TSPAN9: variants seen among roughly 807,000 people sequenced by gnomAD.
The protein encoded by TSPAN9 is tetraspanin 9, also known as tetraspanin-9.
Under a neutral mutation model 31.0 loss-of-function variants are expected in TSPAN9, and 16 were observed. The observed-to-expected ratio is 0.52, with a 90% CI of 0.35 to 0.78. The LOEUF (loss-of-function observed/expected upper bound fraction) is 0.78. Ranked by LOEUF, TSPAN9 falls within the 30% of genes least tolerant of loss-of-function variation. The pLI, the probability that TSPAN9 is intolerant of heterozygous loss-of-function variation, is 0.01. For missense variants in TSPAN9, 272 were observed against 312.5 expected (o/e 0.87, Z 0.98); for synonymous variants, 145 against 121.6 (o/e 1.19, Z -1.27).
At chr12:3,219,432 C>A (rs1460924788) in intron 3 of TSPAN9, among the ~76,000 whole-genome samples, 1 of 152,180 alleles carries the variant, frequency 6.6e-6, no homozygotes. Flanking sequence ...GCAGTACCGA[C>A]CCCCATCTCC....
At chr12:3,088,462 G>T (rs890546692) in intron 2 of TSPAN9, among the ~76,000 whole-genome samples, 1 of 152,206 alleles carries the variant, frequency 6.6e-6, no homozygotes, top group Non-Finnish European at 1.5e-5. Flanking sequence ...TGGGGGGGAA[G>T]CTCCAGGCCT....
At chr12:3,202,741 C>G (rs2098372670) in intron 3 of TSPAN9, among the ~76,000 whole-genome samples, 1 of 152,142 alleles carries the variant, frequency 6.6e-6, no homozygotes, top group Admixed American at 6.5e-5. Flanking sequence ...TTTGAAGTGA[C>G]TTGAGTTGGA....
chr12:3,252,557 T>C (rs1055048355), intron 3 of TSPAN9, among the ~76,000 whole-genome samples: 4 of 152,172 alleles, frequency 2.6e-5, no homozygotes, highest in Non-Finnish European at 5.9e-5. Context: ...ACTGTACACA[T>C]GCGGGGAGCC....
rs552159516 is a variant in TSPAN9 at position 3,094,384 on chromosome 12, C to T, written c.-18+10665C>T. ...GAAACTGCAGCAGAGCAGAAGACTC[C>T]AGGGACCTCCCCATGCCTCTCCAAG... On this transcript the variant is annotated intron_variant, in intron 2 of 8. Coordinates refer to ENST00000011898, the MANE Select transcript of TSPAN9 (RefSeq NM_006675.5). Among the ~76,000 whole-genome samples the T allele has an allele frequency of 1.7e-3, 265 of 152,246 alleles. 3 individuals are homozygous for T. Among genetic ancestry groups the T allele is most frequent in the Non-Finnish European group, 3.4e-3 (231 of 68,030 alleles).
chr12:3,200,442 A>C (rs1161503972), intron 2 of TSPAN9: 1 of 152,270 alleles, frequency 6.6e-6, no homozygotes, highest in East Asian at 1.9e-4. Flanking sequence ...CAGCTCCGCA[A>C]AGTCGCGGAA....
At chr12:3,103,974 A>G (rs1459720718) in intron 2 of TSPAN9, among the ~76,000 whole-genome samples, 1 of 152,096 alleles carries the variant, frequency 6.6e-6, no homozygotes, top group Non-Finnish European at 1.5e-5. Context: ...GGACGGGAGG[A>G]TGAGGCGGGG....
At chr12:3,233,435 C>G (rs1346398573) in intron 3 of TSPAN9, among the ~76,000 whole-genome samples, 1 of 152,196 alleles carries the variant, frequency 6.6e-6, no homozygotes, top group East Asian at 1.9e-4. Flanking sequence ...GCATTTTTAT[C>G]AGCCTTTTGC....
At chr12:3,104,655 C>T (rs942813158) in intron 2 of TSPAN9, among the ~76,000 whole-genome samples, 4 of 152,200 alleles carry the variant, frequency 2.6e-5, no homozygotes, top group African/African-American at 9.7e-5. Flanking sequence ...CGCCTGGCCT[C>T]TAATCACTGT....
intron 3 of TSPAN9, among the ~76,000 whole-genome samples, chr12:3,243,958 G>T (rs2098397980): frequency 6.6e-6 from 1 of 152,208 alleles, no homozygotes; most frequent in Non-Finnish European, 1.5e-5. Flanking sequence ...GGGAACCAGG[G>T]CTTACCCGCA....
chr12:3,212,416 A>G (rs1396432372), intron 3 of TSPAN9, among the ~76,000 whole-genome samples: 2 of 152,150 alleles, frequency 1.3e-5, no homozygotes, highest in South Asian at 2.1e-4. Flanking sequence ...TATGTTATAT[A>G]GAGACTTCTT....
chr12:3,218,859 C>T (rs1475485184), intron 3 of TSPAN9, among the ~76,000 whole-genome samples: 1 of 152,198 alleles, frequency 6.6e-6, no homozygotes, highest in Admixed American at 6.5e-5. Context: ...CCTGATATTT[C>T]TCTTTTTCCT....
chr12:3,252,934 C>T (rs138692198), intron 3 of TSPAN9, among the ~76,000 whole-genome samples: 9 of 152,248 alleles, frequency 5.9e-5, no homozygotes, highest in Admixed American at 2.6e-4. Context: ...AAGGTTTTCA[C>T]GATTGCACAG....
chr12:3,135,723 C>T (rs1056860889), intron 2 of TSPAN9, among the ~76,000 whole-genome samples: 1 of 152,172 alleles, frequency 6.6e-6, no homozygotes, highest in Non-Finnish European at 1.5e-5. Flanking sequence ...GGTGGATCAG[C>T]CATCGCCCCT....
rs2098397630 is a variant in TSPAN9, at chr12:3,243,369, C to T, written c.64-35052C>T. On this transcript the variant is annotated intron_variant, in intron 3 of 8. Transcript: ENST00000011898. Reference sequence around the variant, plus strand: ...CTGCCGCAGCCCCAGGAGGCAGGGGCTCCTGTTTTAACTTATGTTTTGCAC... The same window carrying T: ...CTGCCGCAGCCCCAGGAGGCAGGGGTTCCTGTTTTAACTTATGTTTTGCAC... 2.0e-5 allele frequency among the ~76,000 whole-genome samples: 3 copies of T among 152,144 alleles called. No homozygotes were observed. In the South Asian group the frequency reaches 6.2e-4, roughly 31 times the overall value.
intron 2 of TSPAN9, among the ~76,000 whole-genome samples, chr12:3,164,853 G>A (rs983729004): frequency 1.3e-5 from 2 of 152,178 alleles, no homozygotes; most frequent in African/African-American, 4.8e-5. Context: ...GAGCATTAGG[G>A]TGAGGGTCAG....
intron 3 of TSPAN9, among the ~76,000 whole-genome samples, chr12:3,225,669 G>A (rs1443119437): frequency 3.3e-5 from 5 of 152,080 alleles, no homozygotes; most frequent in East Asian, 3.9e-4. Flanking sequence ...GTGGGCAGAC[G>A]GCCCCCCGCC....
intron 2 of TSPAN9, among the ~76,000 whole-genome samples, chr12:3,130,777 GTTAC>G (rs2098329473): frequency 6.6e-6 from 1 of 152,160 alleles, no homozygotes; most frequent in Admixed American, 6.5e-5. Context: ...AAAAATGTGA[GTTAC>G]TTCTATTTTT....
intron 3 of TSPAN9, among the ~76,000 whole-genome samples, chr12:3,247,224 G>C (rs991030714): frequency 1.3e-5 from 2 of 151,294 alleles, no homozygotes; most frequent in Non-Finnish European, 2.9e-5. Flanking sequence ...AAAGGCCCAT[G>C]AAACTTACTA....
At chr12:3,118,258 T>TTTTTTTTG (rs2098323415) in intron 2 of TSPAN9, among the ~76,000 whole-genome samples, 1 of 52,970 alleles carries the variant, frequency 1.9e-5, no homozygotes, top group African/African-American at 9.3e-5. Context: ...CACCCGCCGT[T>TTTTTTTTG]TTTTTTTTTT....
Sources: gnomAD v4.1 joint callset for allele counts (sites outside exome capture counted in the v4.1 genomes callset) on GRCh38, gnomAD v4.1.1 for gene constraint, MANE v1.5 for transcripts, NCBI Gene and HGNC (gene_info 2026-07-23, HGNC 2026-07-21) for gene names.